PPP1R7: variants seen among roughly 807,000 people sequenced by gnomAD.
PPP1R7 encodes protein phosphatase 1 regulatory subunit 22.
A neutral mutation model predicts 45.2 loss-of-function variants in PPP1R7; 18 were observed. That is an observed-to-expected ratio of 0.40 (90% confidence interval 0.28 to 0.59). The LOEUF is 0.59. Among genes scored for constraint, PPP1R7 ranks in the 20% least tolerant of loss-of-function variants. The probability of loss-of-function intolerance (pLI) is 0.46; values close to 1 mark genes in which losing one functional copy is unlikely to be tolerated. For synonymous variants in PPP1R7, 181 were observed against 183.4 expected (o/e 0.99, Z 0.11); for missense variants, 314 against 455.8 (o/e 0.69, Z 2.83).
intron 9 of PPP1R7, among the ~76,000 whole-genome samples, chr2:241,172,084 T>G (rs922168434): frequency 2.0e-5 from 3 of 152,132 alleles, no homozygotes; most frequent in African/African-American, 7.2e-5. Context: ...AAGTCTATCA[T>G]CTTAGTATTT....
chr2:241,157,440 A>G (rs548244386), intron 2 of PPP1R7, among the ~76,000 whole-genome samples: 4 of 152,344 alleles, frequency 2.6e-5, no homozygotes, highest in African/African-American at 9.6e-5. Flanking sequence ...CAGCTCTGGG[A>G]GTCACGGAAA....
upstream of PPP1R7, chr2:241,149,614 C>T (rs36123792): frequency 1.2e-5 from 18 of 1,528,576 alleles, no homozygotes; most frequent in East Asian, 2.4e-5. Context: ...GCACCAAACA[C>T]CCCTACGGCG....
intron 2 of PPP1R7, among the ~76,000 whole-genome samples, chr2:241,156,314 C>A (rs1460006732): frequency 6.6e-6 from 1 of 152,234 alleles, no homozygotes; most frequent in African/African-American, 2.4e-5. Context: ...CTGGGAGAAG[C>A]ACTACAAGAC....
chr2:241,167,061 C>G, intron 8 of PPP1R7: 1 of 1,612,348 alleles, frequency 6.2e-7, no homozygotes, highest in South Asian at 1.1e-5. Context: ...GACAGCCTCA[C>G]GTACTGAGGG....
intron 9 of PPP1R7, among the ~76,000 whole-genome samples, chr2:241,171,877 G>A (rs1000782149): frequency 2.6e-5 from 4 of 152,034 alleles, no homozygotes; most frequent in South Asian, 2.1e-4. Flanking sequence ...TATGATTAGC[G>A]CTCTCATGGA....
At chr2:241,171,037 G>A (rs113450219) in intron 9 of PPP1R7, among the ~76,000 whole-genome samples, 29 of 152,326 alleles carry the variant, frequency 1.9e-4, no homozygotes, top group African/African-American at 6.0e-4. Context: ...GGAGTCCAGA[G>A]ACAGAGGACC....
intron 2 of PPP1R7, chr2:241,155,252 G>A (rs1474582815): frequency 2.0e-5 from 3 of 152,200 alleles, no homozygotes. Flanking sequence ...TAATCATGTT[G>A]TCATCATGTT....
At position 241,153,463 on chromosome 2, in the gene PPP1R7, T is replaced by C. The variant is rs2067368700; in HGVS notation, c.53-13T>C. On this transcript the variant is annotated splice_polypyrimidine_tract_variant and intron_variant, in intron 1 of 9. Coordinates refer to ENST00000234038, the MANE Select transcript of PPP1R7 (RefSeq NM_002712.3). ...AAGTGGATGTGAATTCTCATTGACA[T>C]GTGTGGGTTCAGTTGACAGGCGGGT... is the stretch of plus-strand genomic sequence containing the variant. The C allele has an allele frequency of 1.2e-6, 2 of 1,610,578 alleles. No homozygotes were observed. Among genetic ancestry groups the C allele is most frequent in the Non-Finnish European group, 1.7e-6 (2 of 1,178,194 alleles).
chr2:241,155,747 CTG>C (rs1575382916), intron 2 of PPP1R7, among the ~76,000 whole-genome samples: 1 of 152,192 alleles, frequency 6.6e-6, no homozygotes, highest in Non-Finnish European at 1.5e-5. Flanking sequence ...CCCAGCATAA[CTG>C]TGCCCTTCTG....
rs771982113 is a variant in PPP1R7, at chr2:241,179,152, GT to G, written c.907-3493del. Among the ~76,000 whole-genome samples, 31 of 152,314 alleles carry G rather than the reference GT, an allele frequency of 2.0e-4. 1 individual carries two copies. The East Asian group carries it at 2.7e-3, about 13-fold the overall frequency. On this transcript the variant is annotated intron_variant, in intron 9 of 9. Transcript: ENST00000234038. ...CCAGGAAAACGTCAGCCAAGAAGAT[GT>G]TCTCTAGCAGAATCCCAGCCGTTGG...
upstream of PPP1R7, chr2:241,149,934 G>A: frequency 7.0e-7 from 1 of 1,429,142 alleles, no homozygotes; most frequent in Non-Finnish European, 9.1e-7. Context: ...TGCTCCGAGC[G>A]TCAAGAGAAG....
At chr2:241,151,878 TGTTCACCAGCCCATCATCCCCA>T (rs1221195583) in intron 1 of PPP1R7, among the ~76,000 whole-genome samples, 1 of 152,212 alleles carries the variant, frequency 6.6e-6, no homozygotes, top group African/African-American at 2.4e-5. Context: ...TGATTGTCCC[TGTTCACCAGCCCATCATCCCCA>T]GTACACCAAA....
At chr2:241,157,128 A>G (rs996972962) in intron 2 of PPP1R7, among the ~76,000 whole-genome samples, 8 of 152,176 alleles carry the variant, frequency 5.3e-5, no homozygotes, top group African/African-American at 7.2e-5. Flanking sequence ...GCTCCGGGGT[A>G]GAGAGTCCTC....
At position 241,183,449 on chromosome 2, in the gene PPP1R7, C is replaced by T. The variant is rs751550663; in HGVS notation, c.*626C>T. ...GTGCCCGTCAGTTCTCGCCACATCCCTTGCCTGTGGGTGAAAGCTCAGGTG... is the reference window on the plus strand; with the variant it reads ...GTGCCCGTCAGTTCTCGCCACATCCTTTGCCTGTGGGTGAAAGCTCAGGTG... On this transcript the variant is annotated 3_prime_UTR_variant, in exon 10 of 10. Coordinates refer to ENST00000234038, the MANE Select transcript of PPP1R7 (RefSeq NM_002712.3). 8.5e-6 allele frequency: 4 copies of T among 471,054 alleles called. No homozygotes were observed. The highest frequency in any genetic ancestry group is 8.0e-5 in the African/African-American group (4 of 50,074). The allele number at this position is 471,054 out of a possible 1,614,324, so 29.2% of individuals were successfully genotyped here.
In PPP1R7 at chr2:241,165,603, GTTCGT is replaced by G. The variant is rs955809427; in HGVS notation, c.715-731_715-727del. ...TAGCATGTTTTTTGTTTGTTTGTTT[GTTCGT>G]TTTGAGACGGAGTCTCGCTCTGTCA... On this transcript the variant is annotated intron_variant, in intron 7 of 9. Coordinates refer to ENST00000234038, the MANE Select transcript of PPP1R7 (RefSeq NM_002712.3). Among the ~76,000 whole-genome samples the G allele has an allele frequency of 7.7e-3, 1,169 of 151,864 alleles. 14 individuals carry two copies. Among genetic ancestry groups the G allele is most frequent in the African/African-American group, 0.026 (1,079 of 41,432 alleles).
At chr2:241,150,102 T>C, upstream of PPP1R7, 2 of 1,263,474 alleles carry the variant, frequency 1.6e-6, no homozygotes, top group South Asian at 4.4e-5. Context: ...AAGATCCGCC[T>C]GGCCCGCGGC....
intron 9 of PPP1R7, among the ~76,000 whole-genome samples, chr2:241,174,019 CT>C (rs1221355671): frequency 6.6e-6 from 1 of 150,952 alleles, no homozygotes; most frequent in Non-Finnish European, 1.5e-5. Flanking sequence ...AGATCCTGGG[CT>C]TTATGGTGTT....
chr2:241,179,371 T>G (rs932104496), intron 9 of PPP1R7, among the ~76,000 whole-genome samples: 1 of 152,160 alleles, frequency 6.6e-6, no homozygotes, highest in Admixed American at 6.5e-5. Flanking sequence ...CCACCTGAAG[T>G]GCTGTGTCCC....
Position 241,169,809 on chromosome 2 carries a change from C to G in PPP1R7, c.848C>G (p.Ser283Ter). The G allele has an allele frequency of 1.2e-6, 2 of 1,612,572 alleles. No homozygotes were observed. Among genetic ancestry groups the G allele is most frequent in the Non-Finnish European group, 1.7e-6 (2 of 1,178,580 alleles). ...NNKLTMLDIA[S>*]NRIKKIENIS... ...AAACTCACGATGTTGGACATTGCAT[C>G]AAATAGAATCAAAAAGATTGAAAAT... is the stretch of plus-strand genomic sequence containing the variant. Residue 283 changes from serine to a stop codon, truncating the protein, a stop_gained, in exon 9 of 10, where the codon TCA becomes TGA. Coordinates refer to ENST00000234038, the MANE Select transcript of PPP1R7 (RefSeq NM_002712.3). LOFTEE classifies it high-confidence loss of function.
Sources: allele counts gnomAD v4.1 joint callset (sites outside exome capture counted in the v4.1 genomes callset), GRCh38; gene constraint gnomAD v4.1.1; transcripts MANE v1.5; gene names NCBI Gene and HGNC (gene_info 2026-07-23, HGNC 2026-07-21).